Variants in ELP2 observed in about 807,000 individuals in gnomAD.
The protein encoded by ELP2 is elongator complex protein 2.
A neutral mutation model predicts 119.2 loss-of-function variants in ELP2; 90 were observed. The observed-to-expected ratio is 0.75, with a 90% CI of 0.64 to 0.90. The LOEUF (loss-of-function observed/expected upper bound fraction) is 0.90, where lower values mean the gene tolerates loss of function less well. ELP2 is among the 40% of genes least tolerant of loss of function. ELP2 has a pLI of 0.00. For synonymous variants in ELP2, 339 were observed against 331.0 expected (o/e 1.02, Z -0.26); for missense variants, 921 against 967.8 (o/e 0.95, Z 0.64).
rs2089924458 is a variant in ELP2 at position 36,138,853 on chromosome 18, T to A, written c.504T>A (p.Ser168=). 1 of 1,613,352 alleles carries A rather than the reference T, an allele frequency of 6.2e-7. No individual in the cohort carries two copies. The highest frequency in any genetic ancestry group is 1.3e-5 in the African/African-American group (1 of 74,924). The change falls in exon 5 of 22, where the codon TCT becomes TCA. Residue 168 remains serine, a synonymous_variant. Transcript: ENST00000358232. ...GNGFALALCL[S]FLPNTDVPIL... ...GATTTGCTTTGGCTCTCTGCTTATC[T>A]TTTTTGCCAAATACTGATGGTGAGT... is the stretch of plus-strand genomic sequence containing the variant.
At chr18:36,163,719 A>C (rs2090811224) in intron 17 of ELP2, among the ~76,000 whole-genome samples, 1 of 151,900 alleles carries the variant, frequency 6.6e-6, no homozygotes, top group Middle Eastern at 3.2e-3. Flanking sequence ...CCCCTTCATC[A>C]CTGTGCTTTG....
At chr18:36,144,805 C>CT in intron 8 of ELP2, 134 bp from the exon 9 acceptor site, 1 of 693,714 alleles carries the variant, frequency 1.4e-6, no homozygotes, top group Non-Finnish European at 2.5e-6. Context: ...AATGCATGTT[C>CT]TTTTTTTGAA....
At chr18:36,161,114 C>G in intron 17 of ELP2, 110 bp downstream of exon 17, 1 of 784,226 alleles carries the variant, frequency 1.3e-6, no homozygotes, top group Non-Finnish European at 2.3e-6. Context: ...GCCACTAGTG[C>G]TTGGTTTTTT....
At chr18:36,138,184 C>A in intron 3 of ELP2, 86 bp from the exon 4 acceptor site, 2 of 1,432,120 alleles carry the variant, frequency 1.4e-6, no homozygotes, top group Non-Finnish European at 9.7e-7. Flanking sequence ...TCTGGCTCAG[C>A]CATTTTATTG....
At chr18:36,144,307 T>C (rs1277717344) in intron 8 of ELP2, among the ~76,000 whole-genome samples, 2 of 152,220 alleles carry the variant, frequency 1.3e-5, no homozygotes, top group African/African-American at 4.8e-5. Context: ...TTTTAAAAAA[T>C]GGGATTTGTA....
intron 2 of ELP2, among the ~76,000 whole-genome samples, chr18:36,135,869 A>G (rs1222183575): frequency 6.6e-6 from 1 of 152,234 alleles, no homozygotes; most frequent in African/African-American, 2.4e-5. Context: ...AAAAGATTTG[A>G]TATCCAAATG....
At position 36,142,931 on chromosome 18, in the gene ELP2, G is replaced by T; in HGVS notation, c.761G>T (p.Arg254Ile). 6.3e-7 allele frequency: 1 copy of T among 1,591,308 alleles called. No individual in the cohort carries two copies. Among genetic ancestry groups the T allele is most frequent in the South Asian group, 1.1e-5 (1 of 88,722 alleles). Reference protein sequence around the residue: ...SLETQDDDNIRLKENTFTIEN... With the variant: ...SLETQDDDNIILKENTFTIEN... ...GAAACTCAGGATGACGATAACATAA[G>T]ACTGAAAGAAAATACTTTTACCATA... is the stretch of plus-strand genomic sequence containing the variant. Residue 254 changes from arginine to isoleucine, a missense_variant, in exon 8 of 22, where the codon AGA becomes ATA. Physicochemically the swap from Arg to Ile is moderately conservative, Grantham distance 97 (BLOSUM62 -3). Transcript: ENST00000358232.
At chr18:36,136,140 A>G (rs1893270) in intron 2 of ELP2, among the ~76,000 whole-genome samples, 167 bp from the exon 3 acceptor site, 16,075 of 152,150 alleles carry the variant, frequency 0.11, 1,125 homozygotes, top group South Asian at 0.17. Context: ...GTGTGTGTGT[A>G]TGTATATAGA....
At chr18:36,174,269 A>G (rs2091167511) in intron 21 of ELP2, among the ~76,000 whole-genome samples, 1 of 152,052 alleles carries the variant, frequency 6.6e-6, no homozygotes, top group South Asian at 2.1e-4. Flanking sequence ...TGTCTTGCTC[A>G]TTTTGGTGAT....
chr18:36,152,045 C>T (rs1476999980), intron 11 of ELP2, among the ~76,000 whole-genome samples: 4 of 151,842 alleles, frequency 2.6e-5, no homozygotes, highest in Non-Finnish European at 4.4e-5. Context: ...GCCACCATGC[C>T]CAGCCAGTTC....
chr18:36,180,267 A>T lies in ELP2; in HGVS notation c.*5626A>T, dbSNP rs1288892431. ...AAACATTTCTTGGAAGTCCCATACT[A>T]TTTTGCTTAATCTCCTCGGGCAGAA... On this transcript the variant is annotated 3_prime_UTR_variant, in exon 22 of 22. Transcript: ENST00000358232. 6.6e-6 allele frequency: 1 copy of T among 152,160 alleles called. No individual in the cohort carries two copies. The highest frequency in any genetic ancestry group is 1.5e-5 in the Non-Finnish European group (1 of 68,028). 9.4% of individuals were successfully genotyped at this position (152,160 alleles called of 1,614,324 possible).
chr18:36,139,707 G>A, intron 5 of ELP2: 1 of 1,154,830 alleles, frequency 8.7e-7, no homozygotes. Flanking sequence ...TGGTGGCAAG[G>A]CATGTCCTTA....
rs748550726 is a variant in ELP2 at position 36,174,658 on chromosome 18, A to G, written c.*17A>G. On this transcript the variant is annotated 3_prime_UTR_variant, in exon 22 of 22. Coordinates refer to ENST00000358232, the MANE Select transcript of ELP2 (RefSeq NM_018255.4). ...GCACTGTAATGGACTTAATAACTAC[A>G]TGCTTGCAGTCACTGGTATCTTAAA... 6.2e-7 allele frequency: 1 copy of G among 1,611,930 alleles called. No individual in the cohort carries two copies. The highest frequency in any genetic ancestry group is 2.2e-5 in the East Asian group (1 of 44,840).
At chr18:36,166,612 C>T (rs755264496) in intron 18 of ELP2, among the ~76,000 whole-genome samples, 45 of 152,214 alleles carry the variant, frequency 3.0e-4, no homozygotes, top group Admixed American at 7.8e-4. Context: ...GGATTACAGG[C>T]GTGAGCCACC....
At chr18:36,151,536 G>A (rs1402929193) in intron 11 of ELP2, among the ~76,000 whole-genome samples, 3 of 152,006 alleles carry the variant, frequency 2.0e-5, no homozygotes, top group Non-Finnish European at 4.4e-5. Flanking sequence ...CAGGCATGGC[G>A]TCTCACACCT....
rs1471873719 is a variant in ELP2 at position 36,177,313 on chromosome 18, A to G, written c.*2672A>G. On this transcript the variant is annotated 3_prime_UTR_variant, in exon 22 of 22. Transcript: ENST00000358232. ...ATGTGGTATATTCATACAGTGGAAT[A>G]TTATTCAGCCTCTAAAAGGAAGATA... is the stretch of plus-strand genomic sequence containing the variant. 1 of 152,222 alleles carries G rather than the reference A, an allele frequency of 6.6e-6. No homozygotes were observed. Among genetic ancestry groups the G allele is most frequent in the Non-Finnish European group, 1.5e-5 (1 of 68,046 alleles). The allele number at this position is 152,222 out of a possible 1,614,324, so 9.4% of individuals were successfully genotyped here. A position where few individuals can be genotyped will look rare whatever the true frequency, so the allele number is the denominator to read the frequency against.
chr18:36,168,913 CTTTTTTTTTTTTTTTT>C lies in ELP2; in HGVS notation c.2077-1137_2077-1122del, dbSNP rs61459855. Among the ~76,000 whole-genome samples the C allele has an allele frequency of 5.8e-5, 4 of 69,258 alleles. 1 individual carries two copies. The highest frequency in any genetic ancestry group is 2.3e-4 in the Admixed American group (1 of 4,420). 45.4% of individuals were successfully genotyped at this position (69,258 alleles called of 152,430 possible). A position where few individuals can be genotyped will look rare whatever the true frequency, so the allele number is the denominator to read the frequency against. On this transcript the variant is annotated intron_variant, in intron 19 of 21. Transcript: ENST00000358232. ...GTCCACTTCACTTCTCTCTCCATTTCTTTTTTTTTTTTTTTTTTTTTTTTTTTTGAGATGGAGTTTC... is the reference window on the plus strand; with the variant it reads ...GTCCACTTCACTTCTCTCTCCATTTCTTTTTTTTTTTTGAGATGGAGTTTC...
intron 19 of ELP2, 119 bp downstream of exon 19, chr18:36,167,341 A>G: frequency 1.4e-6 from 1 of 740,532 alleles, no homozygotes. Context: ...TCAGCTATGT[A>G]TTCCTTTCTG....
At chr18:36,169,632 C>T (rs2091017109) in intron 19 of ELP2, among the ~76,000 whole-genome samples, 1 of 152,196 alleles carries the variant, frequency 6.6e-6, no homozygotes, top group African/African-American at 2.4e-5. Context: ...AGGTGATCCA[C>T]CCACCTCGGC....
Sources: gnomAD v4.1 joint callset for allele counts (sites outside exome capture counted in the v4.1 genomes callset) on GRCh38, gnomAD v4.1.1 for gene constraint, MANE v1.5 for transcripts, NCBI Gene and HGNC (gene_info 2026-07-23, HGNC 2026-07-21) for gene names.